Variants in CRYZ observed in about 807,000 individuals in gnomAD.
CRYZ encodes the protein crystallin zeta, also known as zeta-crystallin.
CRYZ carries 35 observed loss-of-function variants against 34.1 expected under a neutral mutation model. The ratio of observed to expected loss-of-function variants is 1.03; its 90% CI spans 0.78 to 1.36. CRYZ has a LOEUF of 1.36. Ranked by LOEUF, CRYZ falls within the 40% of genes most tolerant of loss-of-function variation. CRYZ has a pLI of 0.00. For synonymous variants in CRYZ, 137 were observed against 136.5 expected (o/e 1.00, Z -0.03); for missense variants, 403 against 391.8 (o/e 1.03, Z -0.24).
chr1:74,714,191 C>T (rs1647040925), intron 5 of CRYZ, among the ~76,000 whole-genome samples: 1 of 152,162 alleles, frequency 6.6e-6, no homozygotes, highest in East Asian at 1.9e-4. Context: ...CATAGGTAAG[C>T]TTTAATGAGC....
chr1:74,717,834 C>G (rs1343627173), intron 4 of CRYZ, among the ~76,000 whole-genome samples: 1 of 152,156 alleles, frequency 6.6e-6, no homozygotes, highest in East Asian at 1.9e-4. Context: ...CAACTCTATC[C>G]TTTTTCTCTG....
chr1:74,709,857 T>A (rs1646977358), intron 6 of CRYZ, among the ~76,000 whole-genome samples: 1 of 152,194 alleles, frequency 6.6e-6, no homozygotes, highest in Non-Finnish European at 1.5e-5. Flanking sequence ...TTTATAGCTA[T>A]AAGATTCTAG....
At chr1:74,726,402 T>G (rs1013199240) in intron 1 of CRYZ, among the ~76,000 whole-genome samples, 5 of 152,186 alleles carry the variant, frequency 3.3e-5, no homozygotes, top group African/African-American at 1.2e-4. Flanking sequence ...GGCTTGCACC[T>G]CTGAAGAAAT....
intron 1 of CRYZ, among the ~76,000 whole-genome samples, chr1:74,729,582 T>C (rs1350094806): frequency 1.4e-5 from 2 of 147,276 alleles, no homozygotes; most frequent in Admixed American, 1.4e-4. Context: ...GAGATCAGGA[T>C]GCAGTGAGCC....
intron 6 of CRYZ, among the ~76,000 whole-genome samples, chr1:74,709,157 G>A (rs1646968795): frequency 6.6e-6 from 1 of 152,024 alleles, no homozygotes. Context: ...AAGAGAAAGG[G>A]GAGTAAGATA....
chr1:74,716,226 A>G (rs1404561252), intron 4 of CRYZ, among the ~76,000 whole-genome samples: 1 of 151,878 alleles, frequency 6.6e-6, no homozygotes, highest in South Asian at 2.1e-4. Flanking sequence ...GTATGTGTAC[A>G]GAGTGACTGA....
At chr1:74,714,153 T>C (rs1647040315) in intron 5 of CRYZ, among the ~76,000 whole-genome samples, 1 of 152,036 alleles carries the variant, frequency 6.6e-6, no homozygotes, top group Non-Finnish European at 1.5e-5. Flanking sequence ...GAATTCACAG[T>C]GTGGCTTTAC....
chr1:74,722,040 T>C (rs919227584), intron 3 of CRYZ, among the ~76,000 whole-genome samples: 33 of 152,164 alleles, frequency 2.2e-4, no homozygotes, highest in African/African-American at 6.3e-4. Flanking sequence ...GAAAATTCTA[T>C]GCTAAAGATG....
intron 1 of CRYZ, among the ~76,000 whole-genome samples, chr1:74,726,020 AG>A (rs1647318169): frequency 1.3e-5 from 2 of 152,222 alleles, no homozygotes; most frequent in Admixed American, 1.3e-4. Context: ...GTGGCTTTGC[AG>A]GGTAAGCCTC....
At chr1:74,722,996 G>T in intron 3 of CRYZ, 122 bp downstream of exon 3, 1 of 914,340 alleles carries the variant, frequency 1.1e-6, no homozygotes, top group South Asian at 1.7e-5. Flanking sequence ...GGAGTCCCCC[G>T]AGTGGCAGAA....
intron 8 of CRYZ, 58 bp from the exon 9 acceptor site, chr1:74,706,515 A>G: frequency 6.8e-7 from 1 of 1,479,218 alleles, no homozygotes; most frequent in Non-Finnish European, 9.1e-7. Flanking sequence ...TAATTTTCAG[A>G]AGCATTAAAA....
chr1:74,716,236 A>T (rs1057155207), intron 4 of CRYZ, among the ~76,000 whole-genome samples: 1 of 151,744 alleles, frequency 6.6e-6, no homozygotes, highest in African/African-American at 2.4e-5. Context: ...AGAGTGACTG[A>T]TTCTTAAGGA....
At chr1:74,720,525 A>G (rs184949189) in intron 3 of CRYZ, among the ~76,000 whole-genome samples, 19 of 152,314 alleles carry the variant, frequency 1.2e-4, no homozygotes, top group Admixed American at 3.3e-4. Context: ...TCCTTTTTAG[A>G]AAAAAGTAGA....
rs998212853 is a variant in CRYZ at position 74,733,015 on chromosome 1, G to A, written c.-73C>T. On this transcript the variant is annotated 5_prime_UTR_variant, in exon 1 of 9. Coordinates refer to ENST00000340866, the MANE Select transcript of CRYZ (RefSeq NM_001889.4). ...CTTCTTCAGATTCCACAGAAATGAG[G>A]ACTGCCACACCTTCTCCAACTTTTG... 1.8e-6 allele frequency: 1 copy of A among 561,278 alleles called. No individual in the cohort carries two copies. The highest frequency in any genetic ancestry group is 3.1e-6 in the Non-Finnish European group (1 of 322,538). 34.8% of individuals were successfully genotyped at this position (561,278 alleles called of 1,614,324 possible).
chr1:74,719,171 T>C, intron 4 of CRYZ, 38 bp downstream of exon 4: 1 of 1,601,852 alleles, frequency 6.2e-7, no homozygotes, highest in Non-Finnish European at 8.5e-7. Flanking sequence ...CTACCCTCTT[T>C]TGGCATTGGC....
chr1:74,709,040 G>C (rs922274526), intron 6 of CRYZ, among the ~76,000 whole-genome samples: 8 of 152,104 alleles, frequency 5.3e-5, no homozygotes, highest in Admixed American at 1.3e-4. Flanking sequence ...CTGGGAAGCA[G>C]TATAAATACT....
chr1:74,713,811 A>T (rs1225555738), intron 5 of CRYZ, among the ~76,000 whole-genome samples: 2 of 152,132 alleles, frequency 1.3e-5, no homozygotes, highest in African/African-American at 4.8e-5. Context: ...TATTTTTAAA[A>T]TGCAAAATCT....
rs992686268 is a variant in CRYZ at position 74,705,920 on chromosome 1, C to T, written c.*376G>A. 6.3e-6 allele frequency: 1 copy of T among 159,872 alleles called. No homozygotes were observed. The highest frequency in any genetic ancestry group is 2.4e-5 in the African/African-American group (1 of 41,596). The allele number at this position is 159,872 out of a possible 1,614,324, so 9.9% of individuals were successfully genotyped here. A position where few individuals can be genotyped will look rare whatever the true frequency, so the allele number is the denominator to read the frequency against. On this transcript the variant is annotated 3_prime_UTR_variant, in exon 9 of 9. Coordinates refer to ENST00000340866, the MANE Select transcript of CRYZ (RefSeq NM_001889.4). ...CATGGCTAATCAGAGACTAGAGAACCTTTATAAAGGTAAGTAGGCTTGAAA... is the reference window on the plus strand; with the variant it reads ...CATGGCTAATCAGAGACTAGAGAACTTTTATAAAGGTAAGTAGGCTTGAAA...
chr1:74,709,074 G>A (rs1243862006), intron 6 of CRYZ, among the ~76,000 whole-genome samples: 1 of 152,114 alleles, frequency 6.6e-6, no homozygotes, highest in African/African-American at 2.4e-5. Context: ...AAACTGCAGT[G>A]AGAAGTGGTG....
Sources: gnomAD v4.1 joint callset for allele counts (sites outside exome capture counted in the v4.1 genomes callset) on GRCh38, gnomAD v4.1.1 for gene constraint, MANE v1.5 for transcripts, NCBI Gene and HGNC (gene_info 2026-07-23, HGNC 2026-07-21) for gene names.